WDFY2: variants seen among roughly 807,000 people sequenced by gnomAD.
WDFY2 encodes the protein WD repeat and FYVE domain containing 2.
WDFY2 carries 36 observed loss-of-function variants against 56.4 expected under a neutral mutation model. That is an observed-to-expected ratio of 0.64 (90% CI 0.49 to 0.84). The LOEUF (loss-of-function observed/expected upper bound fraction) is 0.84. Ranked by LOEUF, WDFY2 falls within the 40% of genes least tolerant of loss-of-function variation. The pLI is 0.00. For missense variants in WDFY2, 444 were observed against 512.2 expected (o/e 0.87, Z 1.29); for synonymous variants, 176 against 183.7 (o/e 0.96, Z 0.34).
chr13:51,728,149 T>A (rs569447406), intron 6 of WDFY2, among the ~76,000 whole-genome samples: 17 of 152,336 alleles, frequency 1.1e-4, no homozygotes, highest in African/African-American at 4.1e-4. Flanking sequence ...TGCCTCGGTC[T>A]GACCTTGCCC....
In WDFY2 at chr13:51,755,299, TGGTTTC is replaced by T. The variant is rs1953342364; in HGVS notation, c.832-58_832-53del. 3.4e-5 allele frequency: 51 copies of T among 1,505,368 alleles called. No homozygotes were observed. In the South Asian group the frequency reaches 5.1e-4, roughly 15 times the overall value. The allele number at this position is 1,505,368 out of a possible 1,614,324, so 93.3% of individuals were successfully genotyped here. A position where few individuals can be genotyped will look rare whatever the true frequency, so the allele number is the denominator to read the frequency against. On this transcript the variant is annotated intron_variant, in intron 8 of 11. Coordinates refer to ENST00000298125, the MANE Select transcript of WDFY2 (RefSeq NM_052950.4). ...GCTCCATAAGTTTCATCAGGGTCAG[TGGTTTC>T]CATTGTCCTGACTGCTGGCCACAGT...
chr13:51,716,933 A>G lies in WDFY2; in HGVS notation c.335-2265A>G, dbSNP rs1273829019. On this transcript the variant is annotated intron_variant, in intron 4 of 11. Transcript: ENST00000298125. ...GTCAACAGGTTAAAGAAGAAAAATC[A>G]TGTTATTATATTAATTAATGTGGGA... Among the ~76,000 whole-genome samples, 3 of 152,184 alleles carry G rather than the reference A, an allele frequency of 2.0e-5. No homozygotes were observed. The East Asian group carries it at 5.8e-4, about 29-fold the overall frequency.
intron 3 of WDFY2, among the ~76,000 whole-genome samples, chr13:51,694,154 C>G (rs2138555905): frequency 6.6e-6 from 1 of 152,274 alleles, no homozygotes; most frequent in East Asian, 1.9e-4. Context: ...CAGTCTGTGT[C>G]TCTTAATTGG....
At chr13:51,742,695 A>T (rs983106364) in intron 7 of WDFY2, among the ~76,000 whole-genome samples, 2 of 152,164 alleles carry the variant, frequency 1.3e-5, no homozygotes, top group Non-Finnish European at 2.9e-5. Flanking sequence ...TGGTAATTTA[A>T]TATAACCTGA....
chr13:51,640,647 G>A (rs571075021), intron 1 of WDFY2, among the ~76,000 whole-genome samples: 2 of 152,088 alleles, frequency 1.3e-5, no homozygotes, highest in East Asian at 1.9e-4. Flanking sequence ...TCAGGAGTTC[G>A]AGACCAGCCT....
intron 1 of WDFY2, among the ~76,000 whole-genome samples, chr13:51,611,510 A>C (rs1223176191): frequency 2.0e-5 from 3 of 152,180 alleles, no homozygotes; most frequent in African/African-American, 7.2e-5. Context: ...TATACTTTGC[A>C]GTTTTTTCTT....
intron 2 of WDFY2, among the ~76,000 whole-genome samples, chr13:51,661,476 T>G (rs1046297256): frequency 1.3e-5 from 2 of 152,206 alleles, no homozygotes; most frequent in African/African-American, 2.4e-5. Flanking sequence ...GTTTGTTGTT[T>G]GGAGTCCTAT....
chr13:51,650,340 T>C (rs1168686377), intron 1 of WDFY2, among the ~76,000 whole-genome samples: 2 of 152,208 alleles, frequency 1.3e-5, no homozygotes, highest in Non-Finnish European at 1.5e-5. Flanking sequence ...TTTCTAGATA[T>C]ACAATCATGT....
At chr13:51,590,781 A>C (rs371150963) in intron 1 of WDFY2, 1 of 151,752 alleles carries the variant, frequency 6.6e-6, no homozygotes, top group Non-Finnish European at 1.5e-5. Context: ...AACAAAAAAA[A>C]CTCCCCTTGT....
rs931938645 is a variant in WDFY2, at chr13:51,764,712, TA to T, written c.*4944del. On this transcript the variant is annotated 3_prime_UTR_variant, in exon 12 of 12. Coordinates refer to ENST00000298125, the MANE Select transcript of WDFY2 (RefSeq NM_052950.4). ...CAGTTTCTTTTTCTTTGGAAATCCC[TA>T]GAACTGTTAACTGAAGGTGACTCAG... The T allele has an allele frequency of 3.3e-5, 5 of 152,264 alleles. No individual in the cohort carries two copies. The highest frequency in any genetic ancestry group is 9.6e-5 in the African/African-American group (4 of 41,472). The allele number at this position is 152,264 out of a possible 1,614,324, so 9.4% of individuals were successfully genotyped here. A position where few individuals can be genotyped will look rare whatever the true frequency, so the allele number is the denominator to read the frequency against.
intron 3 of WDFY2, among the ~76,000 whole-genome samples, chr13:51,696,547 A>G (rs957091235): frequency 6.6e-6 from 1 of 152,226 alleles, no homozygotes; most frequent in Non-Finnish European, 1.5e-5. Context: ...GAAAGCAAAT[A>G]AAATGTGGTA....
chr13:51,614,065 A>G (rs2138341042), intron 1 of WDFY2, among the ~76,000 whole-genome samples: 1 of 152,018 alleles, frequency 6.6e-6, no homozygotes, highest in African/African-American at 2.4e-5. Context: ...GGGCGCCTGT[A>G]ATCCCAACTA....
intron 11 of WDFY2, 61 bp downstream of exon 11, chr13:51,758,361 A>G: frequency 7.8e-7 from 1 of 1,288,274 alleles, no homozygotes; most frequent in Non-Finnish European, 1.1e-6. Context: ...ATACAGGAGC[A>G]CCAAGAACAT....
chr13:51,695,057 A>G (rs1951836416), intron 3 of WDFY2, among the ~76,000 whole-genome samples: 1 of 151,802 alleles, frequency 6.6e-6, no homozygotes, highest in Non-Finnish European at 1.5e-5. Context: ...ACTTCTCTAT[A>G]TTGGTTATTC....
chr13:51,630,280 A>G (rs1288122326), intron 1 of WDFY2, among the ~76,000 whole-genome samples: 1 of 152,162 alleles, frequency 6.6e-6, no homozygotes, highest in East Asian at 1.9e-4. Flanking sequence ...ACGATTTCTT[A>G]CTTTTATAGC....
intron 6 of WDFY2, among the ~76,000 whole-genome samples, chr13:51,738,828 T>C (rs1278083670): frequency 6.6e-6 from 1 of 152,236 alleles, no homozygotes; most frequent in East Asian, 1.9e-4. Context: ...TTACAGTAAT[T>C]GATTTTATGG....
rs1050467541 is a variant in WDFY2 at position 51,764,714 on chromosome 13, G to T, written c.*4945G>T. 3.3e-5 allele frequency: 5 copies of T among 152,202 alleles called. No homozygotes were observed. Among genetic ancestry groups the T allele is most frequent in the African/African-American group, 9.7e-5 (4 of 41,448 alleles). The allele number at this position is 152,202 out of a possible 1,614,324, so 9.4% of individuals were successfully genotyped here. A position where few individuals can be genotyped will look rare whatever the true frequency, so the allele number is the denominator to read the frequency against. On this transcript the variant is annotated 3_prime_UTR_variant, in exon 12 of 12. Transcript: ENST00000298125. Reference sequence around the variant, plus strand: ...GTTTCTTTTTCTTTGGAAATCCCTAGAACTGTTAACTGAAGGTGACTCAGG... The same window carrying T: ...GTTTCTTTTTCTTTGGAAATCCCTATAACTGTTAACTGAAGGTGACTCAGG...
At chr13:51,656,154 A>AT (rs1955506088) in intron 1 of WDFY2, among the ~76,000 whole-genome samples, 1 of 127,710 alleles carries the variant, frequency 7.8e-6, no homozygotes, top group East Asian at 2.2e-4. Flanking sequence ...TAGGTTATTG[A>AT]TTTGTGATCT....
chr13:51,593,071 G>A (rs1453990850), intron 1 of WDFY2, among the ~76,000 whole-genome samples: 1 of 152,174 alleles, frequency 6.6e-6, no homozygotes, highest in Non-Finnish European at 1.5e-5. Flanking sequence ...TTTCTCTAAT[G>A]CAGTTTTCAA....
Sources: allele counts gnomAD v4.1 joint callset (sites outside exome capture counted in the v4.1 genomes callset), GRCh38; gene constraint gnomAD v4.1.1; transcripts MANE v1.5; gene names NCBI Gene and HGNC (gene_info 2026-07-23, HGNC 2026-07-21).